WDFY4: variants seen among roughly 807,000 people sequenced by gnomAD.
WDFY4 encodes WD repeat- and FYVE domain-containing protein 4.
In WDFY4, 169 loss-of-function variants were observed where a neutral mutation model predicts 351.9. The ratio of observed to expected loss-of-function variants is 0.48; its 90% confidence interval spans 0.42 to 0.55. The LOEUF is 0.55. Among genes scored for constraint, WDFY4 ranks in the 20% least tolerant of loss-of-function variants. WDFY4 has a pLI of 0.00. For missense variants in WDFY4, 3,803 were observed against 3,935.6 expected (o/e 0.97, Z 0.90); for synonymous variants, 1,622 against 1,574.6 (o/e 1.03, Z -0.71).
intron 12 of WDFY4, 32 bp downstream of exon 12, chr10:48,743,580 A>C: frequency 6.6e-7 from 1 of 1,513,162 alleles, no homozygotes; most frequent in Non-Finnish European, 8.8e-7. Flanking sequence ...TCATCAGTGC[A>C]TCTCTGTCTC....
At chr10:48,800,088 G>A (rs1326189827) in intron 24 of WDFY4, among the ~76,000 whole-genome samples, 5 of 152,120 alleles carry the variant, frequency 3.3e-5, no homozygotes, top group Admixed American at 1.3e-4. Flanking sequence ...GTTTCACCAT[G>A]TTGGTCAGGA....
At chr10:48,854,137 T>C (rs1281179194) in intron 39 of WDFY4, among the ~76,000 whole-genome samples, 3 of 150,494 alleles carry the variant, frequency 2.0e-5, no homozygotes, top group Non-Finnish European at 4.4e-5. Context: ...TTTGACAAGG[T>C]CTGGCTCTAT....
chr10:48,891,301 T>C (rs2070685405), intron 44 of WDFY4, among the ~76,000 whole-genome samples: 1 of 152,236 alleles, frequency 6.6e-6, no homozygotes, highest in Non-Finnish European at 1.5e-5. Context: ...AAGTCATTTT[T>C]ACACAAGCAA....
intron 39 of WDFY4, among the ~76,000 whole-genome samples, chr10:48,844,922 C>T (rs1029376594): frequency 3.3e-5 from 5 of 152,246 alleles, no homozygotes; most frequent in Non-Finnish European, 7.4e-5. Context: ...CTAGATGATG[C>T]GCCAGAGACT....
chr10:48,923,498 A>G (rs1309643782), intron 47 of WDFY4, among the ~76,000 whole-genome samples: 2 of 97,208 alleles, frequency 2.1e-5, no homozygotes, highest in South Asian at 4.2e-4. Flanking sequence ...AGTTTTTAGT[A>G]TATATATATA....
At chr10:48,924,200 T>G (rs3849152) in intron 47 of WDFY4, among the ~76,000 whole-genome samples, 1 of 152,058 alleles carries the variant, frequency 6.6e-6, no homozygotes, top group Non-Finnish European at 1.5e-5. Flanking sequence ...CTTCCACCCT[T>G]TCTGCGCTTC....
intron 47 of WDFY4, among the ~76,000 whole-genome samples, chr10:48,906,938 AT>A (rs146341357): frequency 0.017 from 2,561 of 148,182 alleles, 28 homozygotes; most frequent in East Asian, 0.034. Flanking sequence ...GGCTTTTGCG[AT>A]TTTTTTTTTT....
intron 13 of WDFY4, among the ~76,000 whole-genome samples, chr10:48,773,419 A>G (rs1455038429): frequency 6.6e-6 from 1 of 152,238 alleles, no homozygotes; most frequent in Non-Finnish European, 1.5e-5. Context: ...GTTTTTGTAA[A>G]GGAACATCCC....
chr10:48,934,307 C>G (rs953671097), intron 47 of WDFY4, among the ~76,000 whole-genome samples: 22 of 152,224 alleles, frequency 1.4e-4, no homozygotes, highest in Non-Finnish European at 2.5e-4. Flanking sequence ...GTTCCTCCCT[C>G]TGTATGGATT....
At chr10:48,922,823 C>A (rs1047405752) in intron 47 of WDFY4, among the ~76,000 whole-genome samples, 7 of 152,142 alleles carry the variant, frequency 4.6e-5, no homozygotes, top group African/African-American at 1.7e-4. Context: ...ATTTATGTCA[C>A]CTTCTGAAAA....
At chr10:48,766,815 A>G (rs145676634) in intron 13 of WDFY4, among the ~76,000 whole-genome samples, 31 of 152,286 alleles carry the variant, frequency 2.0e-4, no homozygotes, top group South Asian at 6.2e-4. Context: ...AACTACTCAG[A>G]TTTGGCCTGG....
At chr10:48,687,718 A>G (rs1452188159) in intron 1 of WDFY4, among the ~76,000 whole-genome samples, 2 of 146,124 alleles carry the variant, frequency 1.4e-5, no homozygotes, top group African/African-American at 5.1e-5. Flanking sequence ...AGGTTCAAGC[A>G]ATTATCCTGC....
At chr10:48,893,020 T>C (rs1340010236) in intron 44 of WDFY4, among the ~76,000 whole-genome samples, 1 of 152,252 alleles carries the variant, frequency 6.6e-6, no homozygotes, top group Non-Finnish European at 1.5e-5. Context: ...TGTTGTTTCA[T>C]AGTCCTAGAG....
At chr10:48,817,866 C>T (rs2067676368) in intron 32 of WDFY4, among the ~76,000 whole-genome samples, 1 of 152,202 alleles carries the variant, frequency 6.6e-6, no homozygotes, top group East Asian at 1.9e-4. Context: ...AGTGGGTTTG[C>T]AGAGGCCCAG....
At position 48,813,961 on chromosome 10, in the gene WDFY4, G is replaced by A. The variant is rs1203933387; in HGVS notation, c.5219G>A (p.Ser1740Asn). ...AGCTCCTGCCTCCTCTTCCAGGACA[G>A]CCTTGATGCCATGCTTCAGTGGCTC... ...LTELMDGPKD[S>N]LDAMLQWLLQ... Residue 1740 changes from serine (S) to asparagine (N), a missense_variant, in exon 31 of 62, where the codon AGC becomes AAC. Physicochemically the swap from Ser to Asn is conservative, Grantham distance 46 (BLOSUM62 1). Coordinates refer to ENST00000325239, the MANE Select transcript of WDFY4 (RefSeq NM_001394531.1). 6.5e-7 allele frequency: 1 copy of A among 1,546,354 alleles called. No individual in the cohort carries two copies. The highest frequency in any genetic ancestry group is 1.4e-5 in the African/African-American group (1 of 73,082).
chr10:48,912,885 C>A (rs1278972085), intron 47 of WDFY4, among the ~76,000 whole-genome samples: 11 of 152,180 alleles, frequency 7.2e-5, no homozygotes. Context: ...TAAAACCTGC[C>A]CATTTCTGTG....
chr10:48,697,514 G>C (rs954725472), intron 1 of WDFY4, among the ~76,000 whole-genome samples: 8 of 152,224 alleles, frequency 5.3e-5, no homozygotes, highest in Admixed American at 1.3e-4. Context: ...TGGCTGCTCT[G>C]TTTCCAAGCT....
At chr10:48,742,136 C>T (rs888089852) in intron 11 of WDFY4, among the ~76,000 whole-genome samples, 4 of 151,970 alleles carry the variant, frequency 2.6e-5, no homozygotes, top group Non-Finnish European at 5.9e-5. Context: ...TAAGTAAGTG[C>T]TCAAGAAAGG....
intron 39 of WDFY4, among the ~76,000 whole-genome samples, chr10:48,839,236 G>A (rs1312739862): frequency 1.3e-5 from 2 of 152,214 alleles, no homozygotes; most frequent in African/African-American, 4.8e-5. Context: ...AGCTGAGGAT[G>A]TCAAAATGCA....
Sources: allele counts gnomAD v4.1 joint callset (sites outside exome capture counted in the v4.1 genomes callset), GRCh38; gene constraint gnomAD v4.1.1; transcripts MANE v1.5; gene names NCBI Gene and HGNC (gene_info 2026-07-23, HGNC 2026-07-21).